Variants in MACF1 observed in about 807,000 individuals in gnomAD.
MACF1 encodes microtubule-actin cross-linking factor 1.
A neutral mutation model predicts 854.8 loss-of-function variants in MACF1; 193 were observed. The ratio of observed to expected loss-of-function variants is 0.23; its 90% CI spans 0.20 to 0.25. MACF1 has a LOEUF of 0.25. Ranked by LOEUF, MACF1 falls within the 10% of genes least tolerant of loss-of-function variation. The pLI is 1.00. For synonymous variants in MACF1, 3,185 were observed against 3,226.7 expected (o/e 0.99, Z 0.44); for missense variants, 7,722 against 8,929.1 (o/e 0.86, Z 5.45).
At position 39,459,258 on chromosome 1, in the gene MACF1, C is replaced by T. The variant is rs1340837050; in HGVS notation, c.21360+9C>T. ...TGGATCGGCTGGAGGAGGTAATGCC[C>T]TGCTGAGTGGCCTTCCCTGAAACAA... is the stretch of plus-strand genomic sequence containing the variant. On this transcript the variant is annotated intron_variant, in intron 91 of 100. Coordinates refer to ENST00000564288, the MANE Select transcript of MACF1 (RefSeq NM_001394062.1). The T allele has an allele frequency of 1.9e-6, 3 of 1,605,044 alleles. No homozygotes were observed. The Admixed American group carries it at 5.1e-5, about 27-fold the overall frequency.
In MACF1 at chr1:39,310,327, G is replaced by T; in HGVS notation, c.2999G>T (p.Arg1000Leu). Reference protein sequence around the residue: ...AHYEDFLQDSRDSVLFSVADR... With the variant: ...AHYEDFLQDSLDSVLFSVADR... ...TATGAAGACTTTCTGCAGGATAGTC[G>T]TGACTCTGTGCTGTTCTCAGTGGCT... The change falls in exon 25 of 101, where the codon CGT becomes CTT. Residue 1000 changes from arginine to leucine, a missense_variant. This residue lies in a region of MACF1 where 1,137 missense variants were observed against 1,263.0 expected (regional missense o/e 0.90). Transcript: ENST00000564288. The T allele has an allele frequency of 1.2e-6, 2 of 1,614,158 alleles. No homozygotes were observed. Among genetic ancestry groups the T allele is most frequent in the Non-Finnish European group, 1.7e-6 (2 of 1,180,016 alleles).
rs1490620478 is a variant in MACF1, at chr1:39,435,689, G to A, written c.17916G>A (p.Met5972Ile). Residue 5972 changes from methionine (M) to isoleucine (I), a missense_variant, in exon 70 of 101, where the codon ATG becomes ATA. Physicochemically the swap from Met to Ile is conservative, Grantham distance 10. Around this residue, in one of 15 missense-constraint regions of MACF1, gnomAD observed 2,807 missense variants for 3,235.8 expected, o/e 0.87. Transcript: ENST00000564288. ...AAAAATACCAGAAAGCAGAAAACAT[G>A]TATGCCCAAATAAAGGAGGAGGTGC... ...VEEKYQKAEN[M>I]YAQIKEEVRQ... 9.3e-6 allele frequency: 15 copies of A among 1,614,162 alleles called. No homozygotes were observed. The highest frequency in any genetic ancestry group is 1.3e-5 in the Non-Finnish European group (15 of 1,180,016).
chr1:39,291,404 T>C (rs937011005), intron 15 of MACF1, among the ~76,000 whole-genome samples: 1 of 152,262 alleles, frequency 6.6e-6, no homozygotes, highest in Non-Finnish European at 1.5e-5. Flanking sequence ...TTGTTTTATA[T>C]TAAATTCTTC....
chr1:39,361,001 G>A lies in MACF1; in HGVS notation c.12453G>A (p.Met4151Ile), dbSNP rs1353230293. Residue 4151 changes from methionine (M) to isoleucine (I), a missense_variant and splice_region_variant, in exon 48 of 101, where the codon ATG becomes ATA. By Grantham distance (10) the Met-to-Ile change is conservative. Transcript: ENST00000564288. ...TCCAGGAAGCCTTAGCCACAAATATGGTAAGATCTGTGTCCCAAGAGCTAG... is the reference window on the plus strand; with the variant it reads ...TCCAGGAAGCCTTAGCCACAAATATAGTAAGATCTGTGTCCCAAGAGCTAG... ...GVIQEALATN[M>I]KLKQDIARQK... is the part of the protein sequence containing the mutation. The A allele has an allele frequency of 1.2e-6, 2 of 1,612,590 alleles. No homozygotes were observed. The highest frequency in any genetic ancestry group is 2.2e-5 in the South Asian group (2 of 91,046).
intron 4 of MACF1, among the ~76,000 whole-genome samples, chr1:39,252,926 G>T (rs565877688): frequency 9.1e-4 from 138 of 152,216 alleles, no homozygotes; most frequent in Non-Finnish European, 1.7e-3. Context: ...ATGTGTTAGG[G>T]TACTTTTTGC....
At chr1:39,297,801 A>G (rs539636412) in intron 21 of MACF1, 56 bp downstream of exon 21, 2 of 1,596,974 alleles carry the variant, frequency 1.3e-6, no homozygotes, top group African/African-American at 1.3e-5. Context: ...AAACCATATC[A>G]GCTGCTGCTG....
Position 39,432,528 on chromosome 1 carries a change from C to T in MACF1, c.17338-7C>T, listed in dbSNP as rs1239299582. The T allele has an allele frequency of 6.2e-7, 1 of 1,613,696 alleles. No homozygotes were observed. The highest frequency in any genetic ancestry group is 1.3e-5 in the African/African-American group (1 of 75,002). On this transcript the variant is annotated splice_region_variant and splice_polypyrimidine_tract_variant and intron_variant, in intron 66 of 100. Coordinates refer to ENST00000564288, the MANE Select transcript of MACF1 (RefSeq NM_001394062.1). ...ATTTGTTTATTTTTCTTTAATACGT[C>T]TATTAGTATGAGCAAGCTGCCGATG... is the stretch of plus-strand genomic sequence containing the variant.
At chr1:39,325,914 T>C (rs1180349920) in intron 35 of MACF1, among the ~76,000 whole-genome samples, 1 of 152,168 alleles carries the variant, frequency 6.6e-6, no homozygotes, top group Admixed American at 6.5e-5. Context: ...CCAGTTGAGA[T>C]TGGAAACCAG....
chr1:39,279,108 G>A (rs4469708), intron 6 of MACF1, among the ~76,000 whole-genome samples: 1 of 152,210 alleles, frequency 6.6e-6, no homozygotes, highest in South Asian at 2.1e-4. Context: ...GTAGAGGAAT[G>A]ATTTGTAGGA....
rs759317601 is a variant in MACF1 at position 39,428,137 on chromosome 1, A to C, written c.16653A>C (p.Leu5551=). The C allele has an allele frequency of 6.2e-7, 1 of 1,614,184 alleles. No individual in the cohort carries two copies. The highest frequency in any genetic ancestry group is 2.2e-5 in the East Asian group (1 of 44,884). The stretch of plus-strand genomic sequence containing the variant: ...ACCGCTGTTGTCGGAAGGCAGCCCT[A>C]CTTGACCAAGCTCTGTCTAATGCTA... The part of the protein sequence containing the change: ...IQDRCCRKAA[L]LDQALSNARL... The change falls in exon 63 of 101, where the codon CTA becomes CTC. Residue 5551 remains leucine, a synonymous_variant. Coordinates refer to ENST00000564288, the MANE Select transcript of MACF1 (RefSeq NM_001394062.1).
At chr1:39,280,957 G>A (rs1645532136) in intron 6 of MACF1, among the ~76,000 whole-genome samples, 1 of 152,180 alleles carries the variant, frequency 6.6e-6, no homozygotes, top group Admixed American at 6.5e-5. Context: ...AGGAAGACCA[G>A]CCTTCAAATA....
In MACF1 at chr1:39,477,118, G is replaced by GTA. The variant is rs1170894300; in HGVS notation, c.21959-2663_21959-2662dup. Among the ~76,000 whole-genome samples the GTA allele has an allele frequency of 3.8e-3, 93 of 24,468 alleles. 1 individual carries two copies. Among genetic ancestry groups the GTA allele is most frequent in the East Asian group, 0.011 (5 of 440 alleles). 16.1% of individuals were successfully genotyped at this position (24,468 alleles called of 152,430 possible). A position where few individuals can be genotyped will look rare whatever the true frequency, so the allele number is the denominator to read the frequency against. Reference sequence around the variant, plus strand: ...ACACACACACATATATACACTTAGTGTATATATATATATATATACACACAC... The same window carrying GTA: ...ACACACACACATATATACACTTAGTGTATATATATATATATATATACACACAC... On this transcript the variant is annotated intron_variant, in intron 97 of 100. Transcript: ENST00000564288.
intron 6 of MACF1, among the ~76,000 whole-genome samples, chr1:39,277,065 C>T (rs1247497024): frequency 6.6e-6 from 1 of 150,984 alleles, no homozygotes; most frequent in South Asian, 2.1e-4. Context: ...CAAGCCTTAA[C>T]ATTAAAATTT....
Position 39,460,896 on chromosome 1 carries a change from G to T in MACF1, c.21523+102G>T. 7 of 1,381,418 alleles carry T rather than the reference G, an allele frequency of 5.1e-6. No individual in the cohort carries two copies. Among genetic ancestry groups the T allele is most frequent in the Non-Finnish European group, 7.1e-6 (7 of 990,142 alleles). 85.6% of individuals were successfully genotyped at this position (1,381,418 alleles called of 1,614,324 possible). A position where few individuals can be genotyped will look rare whatever the true frequency, so the allele number is the denominator to read the frequency against. On this transcript the variant is annotated intron_variant, in intron 92 of 100. Coordinates refer to ENST00000564288, the MANE Select transcript of MACF1 (RefSeq NM_001394062.1). This position sits in a 1 kb window ranked among gnomAD's most constrained non-coding sequence, Gnocchi z 4.1. ...AAACAGTCTTTCTGAAGCTGGCCAGGAGCTTGGCTCACACCTGTAATTCCA... is the reference window on the plus strand; with the variant it reads ...AAACAGTCTTTCTGAAGCTGGCCAGTAGCTTGGCTCACACCTGTAATTCCA...
At chr1:39,252,416 C>T (rs12082877) in intron 4 of MACF1, among the ~76,000 whole-genome samples, 4,711 of 152,114 alleles carry the variant, frequency 0.031, 235 homozygotes, top group African/African-American at 0.11. Flanking sequence ...TTTGCAAACT[C>T]ACTGCATGGA....
chr1:39,297,669 A>G lies in MACF1; in HGVS notation c.2405A>G (p.Asp802Gly), dbSNP rs768251741. 4 of 1,614,092 alleles carry G rather than the reference A, an allele frequency of 2.5e-6. No homozygotes were observed. In the South Asian group the frequency reaches 4.4e-5, roughly 18 times the overall value. The part of the protein sequence containing the change: ...ELESFLRNLQ[D>G]SIKRKYSCDH... ...GAGTCATTCTTGAGGAACCTCCAAG[A>G]TTCCATTAAACGAAAATATTCCTGT... is the stretch of plus-strand genomic sequence containing the variant. Residue 802 changes from aspartate (D) to glycine (G), a missense_variant, in exon 21 of 101, where the codon GAT (aspartate) becomes GGT (glycine). Coordinates refer to ENST00000564288, the MANE Select transcript of MACF1 (RefSeq NM_001394062.1).
chr1:39,230,051 A>C (rs1198110539), intron 1 of MACF1, among the ~76,000 whole-genome samples: 1 of 152,240 alleles, frequency 6.6e-6, no homozygotes, highest in African/African-American at 2.4e-5. Flanking sequence ...GTGTGTCCCA[A>C]ATGCCAAGGC....
chr1:39,177,773 C>G (rs547330092), intron 2 of MACF1, among the ~76,000 whole-genome samples: 1 of 152,052 alleles, frequency 6.6e-6, no homozygotes, highest in Non-Finnish European at 1.5e-5. Context: ...ATACCAGAAG[C>G]TGTGGTGAAT....
chr1:39,385,136 C>T (rs771673728), intron 56 of MACF1, among the ~76,000 whole-genome samples: 1 of 152,162 alleles, frequency 6.6e-6, no homozygotes, highest in Non-Finnish European at 1.5e-5. Flanking sequence ...GGTGCTGCCT[C>T]AGCTCACTGC....
Sources: allele counts gnomAD v4.1 joint callset (sites outside exome capture counted in the v4.1 genomes callset), GRCh38; gene constraint gnomAD v4.1.1; regional missense constraint gnomAD v4.1.1; non-coding constraint Gnocchi (gnomAD v3.1); transcripts MANE v1.5; gene names NCBI Gene and HGNC (gene_info 2026-07-23, HGNC 2026-07-21).